The following PEBP4 variants were observed in gnomAD, a reference collection of about 807,000 sequenced individuals.
PEBP4 encodes phosphatidylethanolamine binding protein 4.
PEBP4 carries 22 observed loss-of-function variants against 23.9 expected under a neutral mutation model. The observed-to-expected ratio is 0.92, with a 90% confidence interval of 0.66 to 1.31. PEBP4 has a LOEUF of 1.31. PEBP4 is among the 40% of genes most tolerant of loss of function. The pLI, the probability that PEBP4 is intolerant of heterozygous loss-of-function variation, is 0.00. For synonymous variants in PEBP4, 112 were observed against 99.3 expected (o/e 1.13, Z -0.76); for missense variants, 324 against 281.7 (o/e 1.15, Z -1.07).
At chr8:22,895,539 T>C (rs1037073713) in intron 3 of PEBP4, 1 of 152,214 alleles carries the variant, frequency 6.6e-6, no homozygotes, top group Non-Finnish European at 1.5e-5. Context: ...AAATTCTGAT[T>C]AAGGTTCTCT....
chr8:22,863,961 C>G (rs752254686), intron 3 of PEBP4, among the ~76,000 whole-genome samples: 2 of 152,168 alleles, frequency 1.3e-5, no homozygotes, highest in Non-Finnish European at 2.9e-5. Flanking sequence ...ATCTCTTGCC[C>G]CGACTACTGT....
chr8:22,793,640 T>C (rs557366539), intron 4 of PEBP4, among the ~76,000 whole-genome samples: 1 of 152,294 alleles, frequency 6.6e-6, no homozygotes, highest in African/African-American at 2.4e-5. Context: ...TTGGACAAAT[T>C]GGTCATTTCT....
At chr8:22,852,206 T>C (rs992264764) in intron 3 of PEBP4, among the ~76,000 whole-genome samples, 1 of 152,206 alleles carries the variant, frequency 6.6e-6, no homozygotes, top group Non-Finnish European at 1.5e-5. Context: ...ATTTGGTCTC[T>C]TGCCGATTTC....
rs1321927393 is a variant in PEBP4 at position 22,893,346 on chromosome 8, T to G, written c.258+26838A>C. 2.0e-5 allele frequency among the ~76,000 whole-genome samples: 3 copies of G among 152,186 alleles called. No homozygotes were observed. In the East Asian group the frequency reaches 5.8e-4, roughly 29 times the overall value. ...CCAGATCATAGCTCAAGAATATTTATGAGATTATAATGACATTTCACACCT... is the reference window on the plus strand; with the variant it reads ...CCAGATCATAGCTCAAGAATATTTAGGAGATTATAATGACATTTCACACCT... On this transcript the variant is annotated intron_variant, in intron 3 of 6. Transcript: ENST00000256404.
At chr8:22,876,630 C>T (rs1426895745) in intron 3 of PEBP4, among the ~76,000 whole-genome samples, 2 of 152,210 alleles carry the variant, frequency 1.3e-5, no homozygotes, top group East Asian at 1.9e-4. Flanking sequence ...ACCTCACAAA[C>T]GTGCTTCATC....
chr8:22,926,346 T>C (rs1169121229), intron 2 of PEBP4, among the ~76,000 whole-genome samples: 2 of 151,944 alleles, frequency 1.3e-5, no homozygotes, highest in South Asian at 2.1e-4. Context: ...CTTTTTGTTG[T>C]TGTTGTTGTT....
chr8:22,759,290 G>A (rs956236780), intron 4 of PEBP4, among the ~76,000 whole-genome samples: 1 of 152,076 alleles, frequency 6.6e-6, no homozygotes, highest in Admixed American at 6.5e-5. Flanking sequence ...GAGGATACCC[G>A]GGGAGTACCC....
intron 3 of PEBP4, among the ~76,000 whole-genome samples, chr8:22,864,861 C>G (rs907330665): frequency 6.6e-6 from 1 of 152,226 alleles, no homozygotes; most frequent in African/African-American, 2.4e-5. Flanking sequence ...GAGCGCCAGG[C>G]TGGTGAACTG....
chr8:22,929,052 A>G (rs544426387), upstream of PEBP4, among the ~76,000 whole-genome samples: 2 of 152,318 alleles, frequency 1.3e-5, no homozygotes, highest in African/African-American at 4.8e-5. Context: ...TATTCCCAAG[A>G]TCTCCCCTAG....
intron 4 of PEBP4, among the ~76,000 whole-genome samples, chr8:22,749,410 G>C (rs1305502852): frequency 6.6e-6 from 1 of 152,144 alleles, no homozygotes; most frequent in Non-Finnish European, 1.5e-5. Flanking sequence ...GTCTTCCCGG[G>C]CTCACGGCCT....
chr8:22,787,953 G>T (rs946020537), intron 4 of PEBP4, among the ~76,000 whole-genome samples: 4 of 152,168 alleles, frequency 2.6e-5, no homozygotes, highest in Non-Finnish European at 5.9e-5. Flanking sequence ...TTGATAACGC[G>T]TTGTGGATGG....
chr8:22,723,454 G>A (rs996114032), intron 6 of PEBP4, among the ~76,000 whole-genome samples: 6 of 152,020 alleles, frequency 3.9e-5, no homozygotes, highest in Admixed American at 1.3e-4. Context: ...CTTCACCCCC[G>A]AGAGACTCCC....
At chr8:22,883,550 T>C (rs1043406553) in intron 3 of PEBP4, among the ~76,000 whole-genome samples, 6 of 151,992 alleles carry the variant, frequency 3.9e-5, no homozygotes, top group Non-Finnish European at 7.4e-5. Context: ...GGCACAAAAT[T>C]AGTTCCTTCG....
chr8:22,806,811 T>G (rs1317900976), intron 4 of PEBP4, among the ~76,000 whole-genome samples: 1 of 152,172 alleles, frequency 6.6e-6, no homozygotes, highest in Admixed American at 6.5e-5. Flanking sequence ...GCCAAAAGGT[T>G]ACCACAATTG....
chr8:22,863,562 C>G (rs1349985594), intron 3 of PEBP4, among the ~76,000 whole-genome samples: 1 of 152,140 alleles, frequency 6.6e-6, no homozygotes, highest in Non-Finnish European at 1.5e-5. Flanking sequence ...GGTCCTGCCT[C>G]CCTGCATCCT....
upstream of PEBP4, among the ~76,000 whole-genome samples, chr8:22,930,684 G>GT (rs1351860967): frequency 6.6e-6 from 1 of 152,110 alleles, no homozygotes; most frequent in African/African-American, 2.4e-5. Flanking sequence ...TCTCTGGCTT[G>GT]TTTTTGTGCA....
intron 4 of PEBP4, among the ~76,000 whole-genome samples, chr8:22,803,699 G>T (rs1169140991): frequency 2.0e-5 from 3 of 151,914 alleles, no homozygotes; most frequent in Non-Finnish European, 4.4e-5. Context: ...AAAATAAAAG[G>T]CATCTCTGAG....
At chr8:22,830,569 A>C (rs1167470682) in intron 3 of PEBP4, among the ~76,000 whole-genome samples, 1 of 151,992 alleles carries the variant, frequency 6.6e-6, no homozygotes, top group African/African-American at 2.4e-5. Context: ...CCCACTTTCC[A>C]TCTTCCTTTG....
chr8:22,880,982 G>A (rs564600527), intron 3 of PEBP4, among the ~76,000 whole-genome samples: 2 of 152,348 alleles, frequency 1.3e-5, no homozygotes, highest in Admixed American at 6.5e-5. Context: ...TGGGGGAAGA[G>A]GTGGGGACTG....
Sources: allele counts gnomAD v4.1 joint callset (sites outside exome capture counted in the v4.1 genomes callset), GRCh38; gene constraint gnomAD v4.1.1; transcripts MANE v1.5; gene names NCBI Gene and HGNC (gene_info 2026-07-23, HGNC 2026-07-21).